Variants in SLC7A8 observed in about 807,000 individuals in gnomAD.
The protein encoded by SLC7A8 is solute carrier family 7 member 8, also known as large neutral amino acids transporter small subunit 2.
In SLC7A8, 30 loss-of-function variants were observed where a neutral mutation model predicts 51.2. The ratio of observed to expected loss-of-function variants is 0.59; its 90% CI spans 0.44 to 0.80. SLC7A8 has a LOEUF of 0.80. Among genes scored for constraint, SLC7A8 ranks in the 30% least tolerant of loss-of-function variants. The pLI is 0.00. For missense variants in SLC7A8, 612 were observed against 674.4 expected (o/e 0.91, Z 1.03); for synonymous variants, 257 against 275.8 (o/e 0.93, Z 0.67).
chr14:23,175,173 G>A (rs922422679), intron 1 of SLC7A8, among the ~76,000 whole-genome samples: 7 of 152,020 alleles, frequency 4.6e-5, no homozygotes, highest in Admixed American at 2.0e-4. Flanking sequence ...GGTGCTGGCC[G>A]CTCTTGAGAA....
At chr14:23,149,394 G>C (rs1446355406) in intron 3 of SLC7A8, among the ~76,000 whole-genome samples, 4 of 152,150 alleles carry the variant, frequency 2.6e-5, no homozygotes, top group Non-Finnish European at 5.9e-5. Flanking sequence ...ACACAACCCA[G>C]ATACGCAAAC....
In SLC7A8 at chr14:23,128,407, A is replaced by C; in HGVS notation, c.1264-211T>G. The C allele has an allele frequency of 6.6e-7, 1 of 1,506,824 alleles. No individual in the cohort carries two copies. Among genetic ancestry groups the C allele is most frequent in the Non-Finnish European group, 8.9e-7 (1 of 1,125,618 alleles). 93.3% of individuals were successfully genotyped at this position (1,506,824 alleles called of 1,614,324 possible). A position where few individuals can be genotyped will look rare whatever the true frequency, so the allele number is the denominator to read the frequency against. On this transcript the variant is annotated intron_variant, in intron 9 of 10. Transcript: ENST00000316902. This position sits in a 1 kb window ranked among gnomAD's most constrained non-coding sequence, Gnocchi z 4.3. ...GATGAACATGGTCGGTCAGACAGGA[A>C]GAGGATGGGGAGGAGTTAGGGAGGA...
chr14:23,147,772 T>C (rs1031086540), intron 3 of SLC7A8, among the ~76,000 whole-genome samples: 1 of 152,208 alleles, frequency 6.6e-6, no homozygotes, highest in African/African-American at 2.4e-5. Context: ...TCCACCCAGT[T>C]TGAAGAACTC....
rs2048587719 is a variant in SLC7A8 at position 23,127,330 on chromosome 14, C to G, written c.1455G>C (p.Leu485=). The G allele has an allele frequency of 6.2e-7, 1 of 1,613,944 alleles. No individual in the cohort carries two copies. Among genetic ancestry groups the G allele is most frequent in the Admixed American group, 1.7e-5 (1 of 60,000 alleles). ...CFSDFIELLT[L]VSQKMCVVVY... ...CGACCACACACATCTTCTGGCTCACCAGGGTTAGCAGCTCTGTAGGAAGAG... is the reference window on the plus strand; with the variant it reads ...CGACCACACACATCTTCTGGCTCACGAGGGTTAGCAGCTCTGTAGGAAGAG... The change falls in exon 11 of 11, where the codon CTG becomes CTC. Residue 485 remains leucine (L), a synonymous_variant. Coordinates refer to ENST00000316902, the MANE Select transcript of SLC7A8 (RefSeq NM_012244.4).
At chr14:23,171,843 C>T (rs960861491) in intron 1 of SLC7A8, among the ~76,000 whole-genome samples, 12 of 152,222 alleles carry the variant, frequency 7.9e-5, no homozygotes, top group Non-Finnish European at 1.6e-4. Flanking sequence ...CCCATCGGGA[C>T]TGTACAAACA....
chr14:23,153,073 T>G lies in SLC7A8; in HGVS notation c.509-9869A>C, dbSNP rs142991130. Among the ~76,000 whole-genome samples the G allele has an allele frequency of 2.3e-3, 348 of 152,210 alleles. 1 individual carries two copies. Among genetic ancestry groups the G allele is most frequent in the African/African-American group, 8.2e-3 (339 of 41,532 alleles). ...CAAGGCTTGTGTCCAGCCTCATGGG[T>G]GATCAGAAGGCAGGAATGACCTTAG... On this transcript the variant is annotated intron_variant, in intron 3 of 10. Transcript: ENST00000316902.
chr14:23,157,973 C>T (rs57625829), intron 3 of SLC7A8, among the ~76,000 whole-genome samples: 5,661 of 152,228 alleles, frequency 0.037, 365 homozygotes, highest in African/African-American at 0.13. Context: ...GCAGAACAGA[C>T]ACTCAAATAT....
intron 4 of SLC7A8, among the ~76,000 whole-genome samples, chr14:23,142,063 A>G (rs188566954): frequency 7.9e-5 from 12 of 152,388 alleles, no homozygotes; most frequent in Admixed American, 5.9e-4. Flanking sequence ...GCCTGAAAGC[A>G]ATATATAACC....
At position 23,127,188 on chromosome 14, in the gene SLC7A8, G is replaced by T. The variant is rs761198224; in HGVS notation, c.1597C>A (p.Pro533Thr). The T allele has an allele frequency of 5.6e-6, 9 of 1,613,940 alleles. No individual in the cohort carries two copies. The African/African-American group carries it at 1.2e-4, about 22-fold the overall frequency. ...PTKDKDVAGQ[P>T]QP The stretch of plus-strand genomic sequence containing the variant: ...GGGAATGGTGGTCCTCAGGGCTGGG[G>T]CTGCCCCGCCACGTCCTTGTCCTTC... Residue 533 changes from proline (P) to threonine (T), a missense_variant, in exon 11 of 11, where the codon CCC (proline) becomes ACC (threonine). By Grantham distance (38) the Pro-to-Thr change is conservative. Coordinates refer to ENST00000316902, the MANE Select transcript of SLC7A8 (RefSeq NM_012244.4).
chr14:23,179,633 C>A (rs533394795), intron 1 of SLC7A8, among the ~76,000 whole-genome samples: 2 of 151,834 alleles, frequency 1.3e-5, no homozygotes, highest in African/African-American at 4.8e-5. Flanking sequence ...TACAGTGAGA[C>A]CCTGTTTCTA....
At chr14:23,171,645 T>C (rs1052813479) in intron 1 of SLC7A8, among the ~76,000 whole-genome samples, 3 of 152,222 alleles carry the variant, frequency 2.0e-5, no homozygotes, top group Non-Finnish European at 4.4e-5. Context: ...GTTTTGGCCA[T>C]TTCCATGATG....
intron 3 of SLC7A8, among the ~76,000 whole-genome samples, chr14:23,144,721 C>T (rs919154545): frequency 2.6e-5 from 4 of 152,046 alleles, no homozygotes; most frequent in African/African-American, 9.7e-5. Flanking sequence ...CCTGGCAAAC[C>T]CCTTCTCCTC....
intron 3 of SLC7A8, among the ~76,000 whole-genome samples, chr14:23,152,071 A>ACAAAG (rs2048852304): frequency 6.6e-6 from 1 of 152,016 alleles, no homozygotes; most frequent in Non-Finnish European, 1.5e-5. Context: ...ACAAAACAAA[A>ACAAAG]GCAAAGAAAA....
intron 7 of SLC7A8, among the ~76,000 whole-genome samples, chr14:23,137,318 C>T (rs2048699692): frequency 6.6e-6 from 1 of 152,174 alleles, no homozygotes; most frequent in African/African-American, 2.4e-5. Context: ...CTTTTCCCCA[C>T]CCTCTCACTT....
At chr14:23,141,912 A>G (rs555230271) in intron 4 of SLC7A8, among the ~76,000 whole-genome samples, 1 of 152,322 alleles carries the variant, frequency 6.6e-6, no homozygotes, top group African/African-American at 2.4e-5. Flanking sequence ...GTAACTGATC[A>G]TATGTTACTT....
At chr14:23,152,096 G>T (rs1319429530) in intron 3 of SLC7A8, among the ~76,000 whole-genome samples, 10 of 152,014 alleles carry the variant, frequency 6.6e-5, no homozygotes, top group Non-Finnish European at 2.9e-5. Flanking sequence ...AGCTCACTAA[G>T]AGTACACGTT....
intron 1 of SLC7A8, among the ~76,000 whole-genome samples, chr14:23,175,882 T>C (rs567822322): frequency 1.4e-4 from 21 of 152,282 alleles, no homozygotes; most frequent in African/African-American, 4.8e-4. Context: ...AAATGGCAGC[T>C]ACTTATTATT....
intron 1 of SLC7A8, among the ~76,000 whole-genome samples, chr14:23,176,399 C>T (rs1594842233): frequency 1.3e-5 from 2 of 152,254 alleles, no homozygotes; most frequent in South Asian, 4.1e-4. Context: ...CCTCCATGGC[C>T]AACTGCCCCA....
At position 23,133,242 on chromosome 14, in the gene SLC7A8, A is replaced by C. The variant is rs536291158; in HGVS notation, c.1017-1685T>G. Among the ~76,000 whole-genome samples, 7 of 152,270 alleles carry C rather than the reference A, an allele frequency of 4.6e-5. No homozygotes were observed. In the East Asian group the frequency reaches 1.4e-3, roughly 29 times the overall value. Reference sequence around the variant, plus strand: ...CATTTGAGCCCGGAAGTTTGAGGCCAGTCTGGGCAAAATAGTGGACCCTTG... The same window carrying C: ...CATTTGAGCCCGGAAGTTTGAGGCCCGTCTGGGCAAAATAGTGGACCCTTG... On this transcript the variant is annotated intron_variant, in intron 7 of 10. Transcript: ENST00000316902.
Sources: gnomAD v4.1 joint callset for allele counts (sites outside exome capture counted in the v4.1 genomes callset) on GRCh38, gnomAD v4.1.1 for gene constraint, Gnocchi (gnomAD v3.1) non-coding constraint, MANE v1.5 for transcripts, NCBI Gene and HGNC (gene_info 2026-07-23, HGNC 2026-07-21) for gene names.